Variants in GPLD1 observed in about 807,000 individuals in gnomAD.
GPLD1 encodes phosphatidylinositol-glycan-specific phospholipase D.
A neutral mutation model predicts 112.6 loss-of-function variants in GPLD1; 84 were observed. That is an observed-to-expected ratio of 0.75 (90% CI 0.63 to 0.89). The LOEUF is 0.89. Ranked by LOEUF, GPLD1 falls within the 40% of genes least tolerant of loss-of-function variation. The pLI is 0.00. For missense variants in GPLD1, 1,044 were observed against 1,051.5 expected (o/e 0.99, Z 0.10); for synonymous variants, 386 against 403.8 (o/e 0.96, Z 0.53).
chr6:24,446,730 G>A, intron 18 of GPLD1, 108 bp downstream of exon 18: 1 of 1,091,014 alleles, frequency 9.2e-7, no homozygotes. Context: ...TCCTTCAAAA[G>A]TCAAGCATTT....
At chr6:24,460,893 A>C (rs185547248) in intron 11 of GPLD1, among the ~76,000 whole-genome samples, 5 of 152,058 alleles carry the variant, frequency 3.3e-5, no homozygotes, top group African/African-American at 1.2e-4. Flanking sequence ...GGCATGCACC[A>C]CCACACCCAG....
chr6:24,458,236 G>A (rs1321207963), intron 12 of GPLD1, among the ~76,000 whole-genome samples: 1 of 152,116 alleles, frequency 6.6e-6, no homozygotes, highest in Non-Finnish European at 1.5e-5. Flanking sequence ...CTCAGGCGCT[G>A]CAAAAGCACA....
chr6:24,452,773 CAA>C (rs57715891), intron 14 of GPLD1, among the ~76,000 whole-genome samples: 3,908 of 136,464 alleles, frequency 0.029, 121 homozygotes, highest in Non-Finnish European at 0.033. Flanking sequence ...GAGTTTATCT[CAA>C]AAAAAAAAAA....
At chr6:24,448,576 T>C (rs16889286) in intron 15 of GPLD1, among the ~76,000 whole-genome samples, 4,737 of 152,232 alleles carry the variant, frequency 0.031, 147 homozygotes, top group East Asian at 0.13. Flanking sequence ...GAGTCCACAA[T>C]GCAGAAATGA....
At chr6:24,440,723 T>TAAA (rs34313464) in intron 20 of GPLD1, among the ~76,000 whole-genome samples, 2 of 139,666 alleles carry the variant, frequency 1.4e-5, no homozygotes, top group Non-Finnish European at 3.1e-5. Flanking sequence ...CTCCAACTAT[T>TAAA]AAAAAAAAAA....
In GPLD1 at chr6:24,425,981, T is replaced by TG. The variant is rs1052755785; in HGVS notation, c.*3050dup. 6.6e-6 allele frequency: 1 copy of TG among 152,232 alleles called. No individual in the cohort carries two copies. The allele number at this position is 152,232 out of a possible 1,614,324, so 9.4% of individuals were successfully genotyped here. Reference sequence around the variant, plus strand: ...CAGAGGTGAGCTAATGGATGGTACATGGAGTAGGGACTGCAGAGACCCTAG... The same window carrying TG: ...CAGAGGTGAGCTAATGGATGGTACATGGGAGTAGGGACTGCAGAGACCCTAG... On this transcript the variant is annotated 3_prime_UTR_variant, in exon 25 of 25. Transcript: ENST00000230036.
At chr6:24,465,079 C>T (rs1763555091) in intron 10 of GPLD1, among the ~76,000 whole-genome samples, 1 of 151,010 alleles carries the variant, frequency 6.6e-6, no homozygotes, top group East Asian at 2.0e-4. Context: ...TACCTGTAGT[C>T]ATAACTACTC....
At chr6:24,475,983 T>G (rs1278637394) in intron 4 of GPLD1, among the ~76,000 whole-genome samples, 198 bp downstream of exon 4, 3 of 152,146 alleles carry the variant, frequency 2.0e-5, no homozygotes, top group Non-Finnish European at 2.9e-5. Flanking sequence ...AATGATGAAG[T>G]GATGTATCCC....
At chr6:24,438,163 G>C (rs1225418719) in intron 20 of GPLD1, among the ~76,000 whole-genome samples, 2 of 152,218 alleles carry the variant, frequency 1.3e-5, no homozygotes, top group African/African-American at 2.4e-5. Flanking sequence ...TGTGTCTCCT[G>C]CATCAGGCGC....
rs781232032 is a variant in GPLD1 at position 24,456,524 on chromosome 6, CAAG to C, written c.1119_1121del (p.Phe373del). 6 of 1,610,166 alleles carry C rather than the reference CAAG, an allele frequency of 3.7e-6. No homozygotes were observed. The highest frequency in any genetic ancestry group is 1.3e-5 in the African/African-American group (1 of 74,918). On this transcript the variant is annotated inframe_deletion, in exon 13 of 25. Coordinates refer to ENST00000230036, the MANE Select transcript of GPLD1 (RefSeq NM_001503.4). ...AGCCAAGCCTCGCATAAGGAAATGA[CAAG>C]AAGTAAGATGCTAAGGGGCTGGAGA...
At chr6:24,450,056 TTAGGTAGCTC>T (rs1763032818) in intron 14 of GPLD1, among the ~76,000 whole-genome samples, 157 bp from the exon 15 acceptor site, 1 of 151,244 alleles carries the variant, frequency 6.6e-6, no homozygotes, top group Non-Finnish European at 1.5e-5. Context: ...AACACATCAG[TTAGGTAGCTC>T]TGCCCTAAGT....
chr6:24,462,440 C>A (rs1470143238), intron 11 of GPLD1, among the ~76,000 whole-genome samples: 8 of 152,150 alleles, frequency 5.3e-5, no homozygotes. Context: ...CAGCCACTAA[C>A]TACCGTTTAA....
rs1053131047 is a variant in GPLD1 at position 24,479,923 on chromosome 6, T to C, written c.190A>G (p.Ile64Val). 1.2e-5 allele frequency: 19 copies of C among 1,611,386 alleles called. 1 individual carries two copies. The South Asian group carries it at 1.3e-4, about 11-fold the overall frequency. ...LEHQDAYQAG[I>V]VFPDCFYPSI... ...GGGTAAAAACAATCAGGAAACACGA[T>C]TCCAGCCTGATACGCATCCTGGTGT... is the stretch of plus-strand genomic sequence containing the variant. The change falls in exon 3 of 25, where the codon ATC becomes GTC. Residue 64 changes from isoleucine to valine, a missense_variant. Physicochemically the swap from Ile to Val is conservative, Grantham distance 29. Transcript: ENST00000230036.
chr6:24,494,960 C>A, intron 1 of GPLD1: 1 of 1,294,504 alleles, frequency 7.7e-7, no homozygotes, highest in Non-Finnish European at 9.8e-7. Flanking sequence ...CGCGCGCGCC[C>A]GCTTGCCTGT....
intron 21 of GPLD1, 26 bp from the exon 22 acceptor site, chr6:24,436,762 G>C (rs1470046953): frequency 4.3e-6 from 7 of 1,609,980 alleles, no homozygotes; most frequent in Non-Finnish European, 5.9e-6. Flanking sequence ...ACCGACAGAA[G>C]GAAGTATTTG....
chr6:24,453,521 A>G (rs1027713755), intron 14 of GPLD1, among the ~76,000 whole-genome samples: 2 of 152,200 alleles, frequency 1.3e-5, no homozygotes, highest in Non-Finnish European at 2.9e-5. Context: ...CTGTAGTACC[A>G]GCTACTCAGG....
chr6:24,432,684 C>T (rs115807633), intron 24 of GPLD1, among the ~76,000 whole-genome samples: 2,046 of 152,246 alleles, frequency 0.013, 44 homozygotes, highest in African/African-American at 0.046. Context: ...AAGGCAAGGG[C>T]CAGCAAACAA....
At chr6:24,424,494 A>G (rs947200810), downstream of GPLD1, 4 of 152,184 alleles carry the variant, frequency 2.6e-5, no homozygotes, top group African/African-American at 9.7e-5. Flanking sequence ...CTATATGCCT[A>G]CACCTCAGAA....
intron 20 of GPLD1, among the ~76,000 whole-genome samples, chr6:24,442,877 G>C (rs1012481511): frequency 6.6e-6 from 1 of 152,048 alleles, no homozygotes; most frequent in Non-Finnish European, 1.5e-5. Flanking sequence ...CACCATGCCT[G>C]ACCTTCTATT....
Sources: allele counts gnomAD v4.1 joint callset (sites outside exome capture counted in the v4.1 genomes callset), GRCh38; gene constraint gnomAD v4.1.1; transcripts MANE v1.5; gene names NCBI Gene and HGNC (gene_info 2026-07-23, HGNC 2026-07-21).